Variants in SLC15A1 observed in about 807,000 individuals in gnomAD.
SLC15A1 encodes solute carrier family 15 member 1.
In SLC15A1, 83 loss-of-function variants were observed where a neutral mutation model predicts 92.9. That is an observed-to-expected ratio of 0.89 (90% CI 0.75 to 1.07). The LOEUF is 1.07. Ranked by LOEUF, SLC15A1 falls within the 50% of genes least tolerant of loss-of-function variation. The probability of loss-of-function intolerance (pLI) is 0.00; values close to 1 mark genes in which losing one functional copy is unlikely to be tolerated. For synonymous variants in SLC15A1, 322 were observed against 318.2 expected (o/e 1.01, Z -0.13); for missense variants, 857 against 880.1 (o/e 0.97, Z 0.33).
intron 8 of SLC15A1, 97 bp downstream of exon 8, chr13:98,719,140 C>T: frequency 1.3e-6 from 1 of 782,844 alleles, no homozygotes; most frequent in Non-Finnish European, 2.1e-6. Context: ...CTTTTTGTTG[C>T]CACTTGTTAC....
intron 18 of SLC15A1, among the ~76,000 whole-genome samples, chr13:98,697,803 G>A (rs565254792): frequency 2.0e-5 from 3 of 152,192 alleles, no homozygotes; most frequent in African/African-American, 4.8e-5. Context: ...GTAGAAAGAA[G>A]GCTGAGAAAG....
intron 1 of SLC15A1, among the ~76,000 whole-genome samples, chr13:98,742,078 T>G (rs2088452617): frequency 2.0e-5 from 3 of 152,214 alleles, no homozygotes; most frequent in Non-Finnish European, 4.4e-5. Context: ...GCAGCTGACC[T>G]GAGTCTCAGC....
intron 2 of SLC15A1, 141 bp downstream of exon 2, chr13:98,726,702 G>A: frequency 2.3e-6 from 2 of 862,930 alleles, no homozygotes; most frequent in Non-Finnish European, 3.9e-6. Context: ...CTCAGGAGAG[G>A]ACATCTCACA....
chr13:98,709,494 C>T lies in SLC15A1; in HGVS notation c.1067+78G>A, dbSNP rs1479927021. On this transcript the variant is annotated intron_variant, in intron 14 of 22. Transcript: ENST00000376503. ...CCTCTAGGCGAGGTTGCGGGAAGGGCTGCAGGCTGAGCGCAGCCCATCTGC... is the reference window on the plus strand; with the variant it reads ...CCTCTAGGCGAGGTTGCGGGAAGGGTTGCAGGCTGAGCGCAGCCCATCTGC... 4.3e-6 allele frequency: 5 copies of T among 1,175,142 alleles called. No homozygotes were observed. The East Asian group carries it at 1.2e-4, about 28-fold the overall frequency. The allele number at this position is 1,175,142 out of a possible 1,614,324, so 72.8% of individuals were successfully genotyped here.
chr13:98,707,740 A>C (rs1370171396), intron 15 of SLC15A1, among the ~76,000 whole-genome samples: 1 of 151,806 alleles, frequency 6.6e-6, no homozygotes, highest in Non-Finnish European at 1.5e-5. Context: ...AAAAAATTTT[A>C]ATAAATTAGT....
At chr13:98,693,341 G>T (rs570648493) in intron 18 of SLC15A1, among the ~76,000 whole-genome samples, 16 of 152,086 alleles carry the variant, frequency 1.1e-4, no homozygotes, top group Non-Finnish European at 1.9e-4. Flanking sequence ...CAGGTGACCT[G>T]CTCACATTGG....
intron 18 of SLC15A1, among the ~76,000 whole-genome samples, chr13:98,689,170 C>T (rs2087956294): frequency 6.6e-6 from 1 of 152,176 alleles, no homozygotes; most frequent in African/African-American, 2.4e-5. Context: ...GAACTCATGA[C>T]CTCAGACGAT....
intron 9 of SLC15A1, among the ~76,000 whole-genome samples, chr13:98,714,897 T>G (rs1233479954): frequency 6.6e-6 from 1 of 152,164 alleles, no homozygotes; most frequent in African/African-American, 2.4e-5. Context: ...TATCTAAGGA[T>G]TCTACTCTCA....
At position 98,708,768 on chromosome 13, in the gene SLC15A1, C is replaced by G. The variant is rs755433232; in HGVS notation, c.1068-1G>C. ...GCCAACTGCCATCTTCTTCAAGGAGCTGATGGCACAAGAGAAGAGTGACTC... is the reference window on the plus strand; with the variant it reads ...GCCAACTGCCATCTTCTTCAAGGAGGTGATGGCACAAGAGAAGAGTGACTC... On this transcript the variant is annotated splice_acceptor_variant, in intron 14 of 22. Transcript: ENST00000376503. LOFTEE classifies it high-confidence loss of function. 4 of 1,608,882 alleles carry G rather than the reference C, an allele frequency of 2.5e-6. No homozygotes were observed. The Admixed American group carries it at 6.8e-5, about 27-fold the overall frequency.
chr13:98,708,434 T>G (rs2088132858), intron 15 of SLC15A1, among the ~76,000 whole-genome samples: 1 of 152,228 alleles, frequency 6.6e-6, no homozygotes, highest in Non-Finnish European at 1.5e-5. Context: ...GAACACATTC[T>G]GTAAACTTCT....
At chr13:98,713,969 C>T (rs1483507875) in intron 9 of SLC15A1, among the ~76,000 whole-genome samples, 3 of 149,934 alleles carry the variant, frequency 2.0e-5, no homozygotes, top group Non-Finnish European at 1.5e-5. Context: ...AGGAGAATTG[C>T]TTGAATCTGG....
chr13:98,684,988 C>T (rs916104568), intron 22 of SLC15A1, 73 bp from the exon 23 acceptor site: 116 of 1,298,350 alleles, frequency 8.9e-5, no homozygotes, highest in African/African-American at 1.6e-4. Context: ...ATATATGGTG[C>T]GTACATGTTC....
At chr13:98,716,465 C>T (rs1454205167) in intron 8 of SLC15A1, among the ~76,000 whole-genome samples, 2 of 151,884 alleles carry the variant, frequency 1.3e-5, no homozygotes, top group African/African-American at 2.4e-5. Context: ...CTACTAAAAA[C>T]ACAAAAATTA....
At chr13:98,698,719 G>A (rs1342985026) in intron 18 of SLC15A1, among the ~76,000 whole-genome samples, 1 of 152,166 alleles carries the variant, frequency 6.6e-6, no homozygotes, top group Non-Finnish European at 1.5e-5. Context: ...TTACAGGCAT[G>A]AGCCACCATG....
At chr13:98,738,987 C>A (rs185402291) in intron 1 of SLC15A1, among the ~76,000 whole-genome samples, 1 of 152,346 alleles carries the variant, frequency 6.6e-6, no homozygotes, top group East Asian at 1.9e-4. Context: ...AAAGCCCTGG[C>A]ACCCCACTTC....
intron 1 of SLC15A1, among the ~76,000 whole-genome samples, chr13:98,742,887 C>T (rs537872374): frequency 8.8e-5 from 13 of 147,106 alleles, no homozygotes; most frequent in South Asian, 2.1e-4. Context: ...GGGATCCTCC[C>T]GCCTGAGCCT....
chr13:98,696,982 C>T (rs1315959412), intron 18 of SLC15A1, among the ~76,000 whole-genome samples: 1 of 152,168 alleles, frequency 6.6e-6, no homozygotes, highest in Admixed American at 6.5e-5. Context: ...AGACAGGCCT[C>T]AGGAGAAACC....
intron 4 of SLC15A1, among the ~76,000 whole-genome samples, chr13:98,725,093 C>T (rs1593999601): frequency 6.6e-6 from 1 of 152,294 alleles, no homozygotes; most frequent in East Asian, 1.9e-4. Flanking sequence ...TCCTCTCTCT[C>T]TCTCGCTTCC....
intron 9 of SLC15A1, among the ~76,000 whole-genome samples, chr13:98,713,160 G>A (rs2088180479): frequency 6.6e-6 from 1 of 152,098 alleles, no homozygotes. Context: ...AGACTCAAAT[G>A]ATCCTCTCAG....
Sources: gnomAD v4.1 joint callset for allele counts (sites outside exome capture counted in the v4.1 genomes callset) on GRCh38, gnomAD v4.1.1 for gene constraint, MANE v1.5 for transcripts, NCBI Gene and HGNC (gene_info 2026-07-23, HGNC 2026-07-21) for gene names.